PRMT3: variants seen among roughly 807,000 people sequenced by gnomAD.
PRMT3 encodes protein arginine methyltransferase 3, also known as protein arginine N-methyltransferase 3.
Under a neutral mutation model 71.9 loss-of-function variants are expected in PRMT3, and 62 were observed. That is an observed-to-expected ratio of 0.86 (90% CI 0.70 to 1.07). PRMT3 has a LOEUF of 1.07. PRMT3 is among the 50% of genes least tolerant of loss of function. The pLI is 0.00. For synonymous variants in PRMT3, 213 were observed against 220.4 expected (o/e 0.97, Z 0.30); for missense variants, 663 against 643.0 (o/e 1.03, Z -0.34).
chr11:20,430,760 A>G (rs1426399530), intron 10 of PRMT3, among the ~76,000 whole-genome samples: 2 of 152,166 alleles, frequency 1.3e-5, no homozygotes, highest in African/African-American at 4.8e-5. Context: ...GAAATTTTTC[A>G]TATACAATAC....
intron 10 of PRMT3, among the ~76,000 whole-genome samples, chr11:20,435,489 C>T (rs539280023): frequency 6.6e-6 from 1 of 152,220 alleles, no homozygotes; most frequent in South Asian, 2.1e-4. Flanking sequence ...GCGCTCAGAC[C>T]ATTTTTAGTT....
chr11:20,503,309 A>G (rs1851501733), intron 15 of PRMT3, among the ~76,000 whole-genome samples: 1 of 152,166 alleles, frequency 6.6e-6, no homozygotes, highest in South Asian at 2.1e-4. Context: ...CTGAGTCTTC[A>G]TAATTGATCT....
chr11:20,491,431 T>C (rs143166068), intron 13 of PRMT3, among the ~76,000 whole-genome samples: 1 of 152,190 alleles, frequency 6.6e-6, no homozygotes, highest in South Asian at 2.1e-4. Flanking sequence ...TTGTGTAAAC[T>C]GTGTGTCTTG....
chr11:20,398,031 A>AG, intron 7 of PRMT3, among the ~76,000 whole-genome samples: 1 of 151,538 alleles, frequency 6.6e-6, no homozygotes, highest in African/African-American at 2.4e-5. Flanking sequence ...AAAAAAAAAA[A>AG]AAGATTACAG....
chr11:20,432,972 A>T (rs562420285), intron 10 of PRMT3, among the ~76,000 whole-genome samples: 1 of 151,852 alleles, frequency 6.6e-6, no homozygotes, highest in Non-Finnish European at 1.5e-5. Flanking sequence ...ATTTGCAAAT[A>T]TTTTCTCCCA....
Position 20,387,885 on chromosome 11 carries a change from A to C in PRMT3, c.28+111A>C, listed in dbSNP as rs999263643. 1.3e-6 allele frequency: 2 copies of C among 1,540,272 alleles called. No individual in the cohort carries two copies. Among genetic ancestry groups the C allele is most frequent in the Non-Finnish European group, 1.8e-6 (2 of 1,141,454 alleles). ...GGCCCGGGCAGGGTGGGGGGCTCGC[A>C]GGGATCATGAAGGAGGTGCTGAGTG... is the stretch of plus-strand genomic sequence containing the variant. On this transcript the variant is annotated intron_variant, in intron 1 of 15. Coordinates refer to ENST00000331079, the MANE Select transcript of PRMT3 (RefSeq NM_005788.4). This position sits in a 1 kb window ranked among gnomAD's most constrained non-coding sequence, Gnocchi z 4.3.
At chr11:20,413,254 A>T (rs770364018) in intron 9 of PRMT3, among the ~76,000 whole-genome samples, 65 of 152,144 alleles carry the variant, frequency 4.3e-4, no homozygotes, top group Non-Finnish European at 7.4e-5. Context: ...AATGCCTTCT[A>T]TTCCTCTGTG....
rs1407148619 is a variant in PRMT3, at chr11:20,508,585, G to A, written c.*172G>A. ...GGGAATCTGACATAGTTCAGCTGAG[G>A]AAGAGAATCAGCTGATCCTCATGGT... On this transcript the variant is annotated 3_prime_UTR_variant, in exon 16 of 16. Coordinates refer to ENST00000331079, the MANE Select transcript of PRMT3 (RefSeq NM_005788.4). The A allele has an allele frequency of 2.9e-6, 2 of 696,992 alleles. No individual in the cohort carries two copies. The highest frequency in any genetic ancestry group is 5.5e-5 in the East Asian group (2 of 36,376). The allele number at this position is 696,992 out of a possible 1,614,324, so 43.2% of individuals were successfully genotyped here. A position where few individuals can be genotyped will look rare whatever the true frequency, so the allele number is the denominator to read the frequency against.
chr11:20,494,364 A>T, intron 15 of PRMT3, 110 bp downstream of exon 15: 1 of 941,302 alleles, frequency 1.1e-6, no homozygotes, highest in African/African-American at 1.7e-5. Flanking sequence ...TTTGAGACGG[A>T]GTCTCGCTGT....
At chr11:20,483,476 G>A (rs1466622972) in intron 13 of PRMT3, among the ~76,000 whole-genome samples, 6 of 151,022 alleles carry the variant, frequency 4.0e-5, no homozygotes, top group African/African-American at 9.7e-5. Flanking sequence ...GTGGAAAACC[G>A]ATGATGTGTG....
At chr11:20,478,347 GA>G (rs1418571040) in intron 13 of PRMT3, among the ~76,000 whole-genome samples, 2 of 152,078 alleles carry the variant, frequency 1.3e-5, no homozygotes, top group African/African-American at 4.8e-5. Flanking sequence ...AGAAAGTTCA[GA>G]AATAAAGTTA....
intron 10 of PRMT3, among the ~76,000 whole-genome samples, chr11:20,433,469 T>C (rs541057283): frequency 2.0e-5 from 3 of 152,292 alleles, no homozygotes; most frequent in Non-Finnish European, 4.4e-5. Context: ...GATGGATGTT[T>C]AGGTTGATTC....
At chr11:20,411,804 A>G (rs7479021) in intron 9 of PRMT3, among the ~76,000 whole-genome samples, 124,737 of 152,094 alleles carry the variant, frequency 0.82, 53,082 homozygotes, top group Non-Finnish European at 0.95. Flanking sequence ...GTTTTAAAAC[A>G]TTGCACATGA....
At position 20,422,890 on chromosome 11, in the gene PRMT3, T is replaced by G. The variant is rs1849458164; in HGVS notation, c.894-3876T>G. Among the ~76,000 whole-genome samples, 3 of 152,304 alleles carry G rather than the reference T, an allele frequency of 2.0e-5. No individual in the cohort carries two copies. The South Asian group carries it at 6.2e-4, about 32-fold the overall frequency. On this transcript the variant is annotated intron_variant, in intron 9 of 15. Transcript: ENST00000331079. ...GACTCAGAAGAAGTAGGGATCAACC[T>G]GGCACATAGAGCAAGGCTTCTTACT... is the stretch of plus-strand genomic sequence containing the variant.
At chr11:20,412,400 C>G (rs1006077937) in intron 9 of PRMT3, among the ~76,000 whole-genome samples, 3 of 99,768 alleles carry the variant, frequency 3.0e-5, no homozygotes, top group East Asian at 3.6e-4. Context: ...AGTCTGAACC[C>G]CCCCCCCACC....
At chr11:20,442,764 A>ACG (rs1849937878) in intron 10 of PRMT3, among the ~76,000 whole-genome samples, 2 of 152,216 alleles carry the variant, frequency 1.3e-5, no homozygotes, top group South Asian at 4.1e-4. Flanking sequence ...AATAAATTGT[A>ACG]TAGACAATTA....
intron 13 of PRMT3, among the ~76,000 whole-genome samples, chr11:20,486,994 T>C (rs1204800915): frequency 7.2e-6 from 1 of 138,722 alleles, no homozygotes; most frequent in Admixed American, 7.2e-5. Context: ...GAGGTGGAGG[T>C]TGCAGTGAAC....
chr11:20,490,256 G>GT (rs1261693889), intron 13 of PRMT3, among the ~76,000 whole-genome samples: 23 of 152,060 alleles, frequency 1.5e-4, no homozygotes, highest in African/African-American at 5.1e-4. Flanking sequence ...ATGTGACTGT[G>GT]CTTGAAGACT....
At chr11:20,502,229 A>C (rs945101366) in intron 15 of PRMT3, among the ~76,000 whole-genome samples, 3 of 152,160 alleles carry the variant, frequency 2.0e-5, no homozygotes, top group African/African-American at 7.2e-5. Context: ...TTTTATATCT[A>C]TTTGACACTG....
Sources: gnomAD v4.1 joint callset for allele counts (sites outside exome capture counted in the v4.1 genomes callset) on GRCh38, gnomAD v4.1.1 for gene constraint, Gnocchi (gnomAD v3.1) non-coding constraint, MANE v1.5 for transcripts, NCBI Gene and HGNC (gene_info 2026-07-23, HGNC 2026-07-21) for gene names.